The following DENND5A variants were observed in gnomAD, a reference collection of about 807,000 sequenced individuals.
DENND5A encodes the protein DENN domain-containing protein 5A.
Under a neutral mutation model 140.3 loss-of-function variants are expected in DENND5A, and 64 were observed. The observed-to-expected ratio is 0.46, with a 90% CI of 0.37 to 0.56. The LOEUF is 0.56. DENND5A is among the 20% of genes least tolerant of loss of function. The pLI, the probability that DENND5A is intolerant of heterozygous loss-of-function variation, is 0.00. For missense variants in DENND5A, 1,292 were observed against 1,593.8 expected (o/e 0.81, Z 3.22); for synonymous variants, 605 against 607.7 (o/e 1.00, Z 0.07).
intron 9 of DENND5A, chr11:9,170,282 C>G (rs1848327219): frequency 1.0e-6 from 1 of 984,896 alleles, no homozygotes. Context: ...AACTTACCTA[C>G]TTTTCAGTTC....
intron 1 of DENND5A, among the ~76,000 whole-genome samples, chr11:9,244,081 T>C (rs996295674): frequency 2.0e-5 from 3 of 152,216 alleles, no homozygotes; most frequent in African/African-American, 7.2e-5. Context: ...CTTGTGGATT[T>C]TCTGCTACAC....
At position 9,166,118 on chromosome 11, in the gene DENND5A, C is replaced by T. The variant is rs190165372; in HGVS notation, c.2152-151G>A. 3.2e-4 allele frequency: 207 copies of T among 649,520 alleles called. 2 individuals are homozygous for T. In the African/African-American group the frequency reaches 3.6e-3, roughly 11 times the overall value. 40.2% of individuals were successfully genotyped at this position (649,520 alleles called of 1,614,324 possible). On this transcript the variant is annotated intron_variant, in intron 10 of 22. Coordinates refer to ENST00000328194, the MANE Select transcript of DENND5A (RefSeq NM_015213.4). ...TTTTTTGAGACGAATCTTGCTCTGT[C>T]GCCAGGCTGGAGTGCAGTGGTGTGA...
intron 11 of DENND5A, among the ~76,000 whole-genome samples, chr11:9,165,255 C>T (rs1278124800): frequency 2.0e-5 from 3 of 152,140 alleles, no homozygotes; most frequent in Non-Finnish European, 4.4e-5. Context: ...CTGCCTCAGC[C>T]TCCCAAAGTG....
intron 1 of DENND5A, among the ~76,000 whole-genome samples, chr11:9,254,703 C>T (rs1258204567): frequency 6.6e-6 from 1 of 152,144 alleles, no homozygotes; most frequent in African/African-American, 2.4e-5. Context: ...TTGAAACTGG[C>T]TCATAAAACT....
intron 1 of DENND5A, among the ~76,000 whole-genome samples, chr11:9,209,860 C>G (rs1188974847): frequency 6.6e-6 from 1 of 151,990 alleles, no homozygotes; most frequent in African/African-American, 2.4e-5. Flanking sequence ...AATCCCAGCA[C>G]TTTGGGAGGC....
chr11:9,156,866 T>TGGAA (rs1847820710), intron 12 of DENND5A, among the ~76,000 whole-genome samples: 2 of 108,574 alleles, frequency 1.8e-5, no homozygotes, highest in African/African-American at 4.0e-5. Flanking sequence ...GATGGAAGGA[T>TGGAA]GGATGGAAGG....
intron 5 of DENND5A, among the ~76,000 whole-genome samples, chr11:9,187,488 T>C (rs1189578271): frequency 6.6e-6 from 1 of 152,158 alleles, no homozygotes; most frequent in African/African-American, 2.4e-5. Context: ...CACAATGATC[T>C]TTCCCAATGC....
Position 9,144,101 on chromosome 11 carries a change from C to T in DENND5A, c.3300G>A (p.Lys1100=), listed in dbSNP as rs201807039. The T allele has an allele frequency of 6.2e-7, 1 of 1,613,034 alleles. No homozygotes were observed. Among genetic ancestry groups the T allele is most frequent in the East Asian group, 2.2e-5 (1 of 44,856 alleles). The change falls in exon 19 of 23, where the codon AAG becomes AAA. Residue 1100 remains lysine, a synonymous_variant. Transcript: ENST00000328194. ...CCAACCCCTCCTCCCACTTACTGGG[C>T]TTGTTGTTGGGTGAGATGGTAACAA... ...RRLVTISPNN[K]PKLNTGQIQE...
intron 5 of DENND5A, among the ~76,000 whole-genome samples, chr11:9,190,843 T>C (rs952143506): frequency 1.3e-5 from 2 of 152,186 alleles, no homozygotes; most frequent in Non-Finnish European, 2.9e-5. Context: ...ATGTCATTTC[T>C]GAGACACCCC....
intron 1 of DENND5A, among the ~76,000 whole-genome samples, chr11:9,225,605 C>CA (rs939077002): frequency 4.0e-5 from 6 of 151,650 alleles, no homozygotes; most frequent in African/African-American, 4.8e-5. Context: ...ACTAAAAATA[C>CA]AAAAAAAATC....
chr11:9,154,303 G>C (rs1157463201), intron 12 of DENND5A, among the ~76,000 whole-genome samples: 4 of 152,180 alleles, frequency 2.6e-5, no homozygotes, highest in African/African-American at 9.6e-5. Context: ...TTAGTAAGCA[G>C]AGTGTTGGGA....
intron 1 of DENND5A, chr11:9,245,408 T>C (rs576506745): frequency 7.4e-5 from 11 of 149,240 alleles, no homozygotes; most frequent in Admixed American, 7.3e-4. Context: ...CTGGCCAACA[T>C]GGTGAAACCC....
At chr11:9,146,586 C>A (rs572763688) in intron 16 of DENND5A, among the ~76,000 whole-genome samples, 1 of 152,252 alleles carries the variant, frequency 6.6e-6, no homozygotes, top group Non-Finnish European at 1.5e-5. Context: ...CCACTGGTAT[C>A]TGGAGTTCTT....
intron 4 of DENND5A, among the ~76,000 whole-genome samples, chr11:9,203,150 T>C (rs539288803): frequency 8.7e-4 from 133 of 152,370 alleles, no homozygotes; most frequent in South Asian, 1.7e-3. Context: ...TGTTTCTTTC[T>C]AATCTACTTT....
At chr11:9,149,836 C>A (rs1847553334) in intron 15 of DENND5A, among the ~76,000 whole-genome samples, 1 of 152,208 alleles carries the variant, frequency 6.6e-6, no homozygotes, top group African/African-American at 2.4e-5. Flanking sequence ...ATCCTTCCCA[C>A]TACCTCTCCA....
intron 4 of DENND5A, among the ~76,000 whole-genome samples, chr11:9,197,257 A>C (rs1849361634): frequency 6.6e-6 from 1 of 151,572 alleles, no homozygotes; most frequent in Non-Finnish European, 1.5e-5. Flanking sequence ...GCGAGCCAAG[A>C]TCGCGCCACT....
At chr11:9,264,221 C>T (rs1852340484) in intron 1 of DENND5A, among the ~76,000 whole-genome samples, 1 of 152,202 alleles carries the variant, frequency 6.6e-6, no homozygotes, top group African/African-American at 2.4e-5. Context: ...TTTGACTCCC[C>T]TCATCACTTT....
Position 9,156,355 on chromosome 11 carries a change from C to T in DENND5A, c.2437-3913G>A, listed in dbSNP as rs1036460733. On this transcript the variant is annotated intron_variant, in intron 12 of 22. Transcript: ENST00000328194. ...ACTAAAAAGCCCCCATTATTTTGCA[C>T]TGGTTTCTCACCAAACAAGCAGCCT... Among the ~76,000 whole-genome samples the T allele has an allele frequency of 9.2e-5, 14 of 152,298 alleles. No individual in the cohort carries two copies. The South Asian group carries it at 1.9e-3, about 20-fold the overall frequency.
In DENND5A at chr11:9,166,103, C is replaced by A. The variant is rs544028609; in HGVS notation, c.2152-136G>T. On this transcript the variant is annotated intron_variant, in intron 10 of 22. Transcript: ENST00000328194. ...TTTCTTTTTCTTTTTTTTTTTGAGA[C>A]GAATCTTGCTCTGTCGCCAGGCTGG... 2.1e-3 allele frequency: 1,474 copies of A among 715,744 alleles called. 5 individuals carry two copies. Among genetic ancestry groups the A allele is most frequent in the Admixed American group, 3.0e-3 (97 of 31,848 alleles). The allele number at this position is 715,744 out of a possible 1,614,324, so 44.3% of individuals were successfully genotyped here.
Sources: allele counts gnomAD v4.1 joint callset (sites outside exome capture counted in the v4.1 genomes callset), GRCh38; gene constraint gnomAD v4.1.1; transcripts MANE v1.5; gene names NCBI Gene and HGNC (gene_info 2026-07-23, HGNC 2026-07-21).